Variants in NRXN3 observed in about 807,000 individuals in gnomAD.
The protein encoded by NRXN3 is neurexin III.
In NRXN3, 32 loss-of-function variants were observed where a neutral mutation model predicts 137.6. The observed-to-expected ratio is 0.23, with a 90% CI of 0.18 to 0.31. NRXN3 has a LOEUF of 0.31. Among genes scored for constraint, NRXN3 ranks in the 10% least tolerant of loss-of-function variants. The pLI is 1.00. For synonymous variants in NRXN3, 798 were observed against 784.5 expected (o/e 1.02, Z -0.29); for missense variants, 1,574 against 2,062.5 (o/e 0.76, Z 4.59).
chr14:78,319,283 C>T (rs748031659), intron 4 of NRXN3, among the ~76,000 whole-genome samples: 14 of 152,150 alleles, frequency 9.2e-5, no homozygotes, highest in Non-Finnish European at 1.5e-4. Context: ...AGAAGTGGGG[C>T]GTCAGTCTGC....
chr14:79,699,221 T>C (rs1029656612), intron 19 of NRXN3, among the ~76,000 whole-genome samples: 17 of 152,022 alleles, frequency 1.1e-4, no homozygotes, highest in African/African-American at 3.6e-4. Context: ...CTACTGATAT[T>C]AAACCAATAA....
intron 15 of NRXN3, among the ~76,000 whole-genome samples, chr14:79,452,008 G>T (rs1294388633): frequency 6.6e-6 from 1 of 152,134 alleles, no homozygotes; most frequent in Non-Finnish European, 1.5e-5. Flanking sequence ...CACAACCTAT[G>T]TGGCCCAATG....
At chr14:79,458,497 G>A (rs187068027) in intron 15 of NRXN3, among the ~76,000 whole-genome samples, 2 of 152,234 alleles carry the variant, frequency 1.3e-5, no homozygotes, top group East Asian at 1.9e-4. Flanking sequence ...AGATATGTAA[G>A]CATAGGTAAG....
At chr14:79,576,173 T>C in intron 16 of NRXN3, among the ~76,000 whole-genome samples, 1 of 152,300 alleles carries the variant, frequency 6.6e-6, no homozygotes, top group Admixed American at 6.5e-5. Context: ...TTAAAAATGC[T>C]TTTTCCCAGA....
intron 6 of NRXN3, among the ~76,000 whole-genome samples, chr14:78,656,106 T>C (rs79256196): frequency 0.019 from 2,951 of 152,192 alleles, 109 homozygotes; most frequent in East Asian, 0.18. Context: ...ATTCAGTGCA[T>C]AGCAAACAAT....
intron 19 of NRXN3, among the ~76,000 whole-genome samples, chr14:79,784,674 C>G (rs545986400): frequency 7.2e-6 from 1 of 138,564 alleles, no homozygotes; most frequent in Non-Finnish European, 1.5e-5. Flanking sequence ...CAGCATGGTC[C>G]AAATGGTGTT....
At chr14:79,080,089 G>A (rs184740826) in intron 15 of NRXN3, among the ~76,000 whole-genome samples, 1 of 152,158 alleles carries the variant, frequency 6.6e-6, no homozygotes, top group Non-Finnish European at 1.5e-5. Flanking sequence ...TGAAGGAACA[G>A]TGGAACCTCT....
At chr14:79,540,238 C>T (rs1169140430) in intron 16 of NRXN3, among the ~76,000 whole-genome samples, 4 of 86,850 alleles carry the variant, frequency 4.6e-5, no homozygotes, top group African/African-American at 2.6e-4. Flanking sequence ...ATTTATTCAG[C>T]TTGCATTTAT....
At chr14:79,298,099 G>A (rs1454492095) in intron 15 of NRXN3, among the ~76,000 whole-genome samples, 2 of 151,738 alleles carry the variant, frequency 1.3e-5, no homozygotes. Context: ...TCATTTCTCA[G>A]TCCTGAATCC....
chr14:79,762,271 T>C (rs1231595817), intron 19 of NRXN3, among the ~76,000 whole-genome samples: 1 of 151,744 alleles, frequency 6.6e-6, no homozygotes, highest in Non-Finnish European at 1.5e-5. Flanking sequence ...GTGCATTAAC[T>C]CTTTCCAATA....
At chr14:78,245,821 A>C (rs201017016) in intron 2 of NRXN3, among the ~76,000 whole-genome samples, 2 of 152,072 alleles carry the variant, frequency 1.3e-5, no homozygotes, top group African/African-American at 4.8e-5. Context: ...TGCCAGGCAT[A>C]TATATCGTCC....
rs534322670 is a variant in NRXN3, at chr14:78,569,161, G to A, written c.758-75959G>A. On this transcript the variant is annotated intron_variant, in intron 4 of 20. Transcript: ENST00000335750. Reference sequence around the variant, plus strand: ...TTTTTGTATTTTTAGTAGAGATGGGGTTTCACCGTGTTAGCCAGGATGGTC... The same window carrying A: ...TTTTTGTATTTTTAGTAGAGATGGGATTTCACCGTGTTAGCCAGGATGGTC... 1.8e-4 allele frequency among the ~76,000 whole-genome samples: 28 copies of A among 151,760 alleles called. No homozygotes were observed. In the South Asian group the frequency reaches 5.4e-3, roughly 29 times the overall value.
intron 19 of NRXN3, among the ~76,000 whole-genome samples, chr14:79,764,614 C>G (rs2099050041): frequency 6.6e-6 from 1 of 152,046 alleles, no homozygotes; most frequent in Non-Finnish European, 1.5e-5. Flanking sequence ...CTTCTAGACT[C>G]TATTCCTTCA....
intron 20 of NRXN3, among the ~76,000 whole-genome samples, chr14:79,857,576 C>A (rs2099405516): frequency 8.4e-6 from 1 of 118,798 alleles, no homozygotes; most frequent in Admixed American, 8.9e-5. Context: ...ATCACTTTCT[C>A]CTCTCAAATG....
intron 4 of NRXN3, among the ~76,000 whole-genome samples, chr14:78,418,087 T>C (rs1248154097): frequency 6.6e-6 from 1 of 152,144 alleles, no homozygotes; most frequent in Non-Finnish European, 1.5e-5. Flanking sequence ...GGAATTAGTG[T>C]GCATGTTCTC....
chr14:78,684,621 T>C (rs2098109388), intron 6 of NRXN3, among the ~76,000 whole-genome samples: 1 of 151,630 alleles, frequency 6.6e-6, no homozygotes, highest in South Asian at 2.1e-4. Flanking sequence ...CTGGGCAACA[T>C]AGTGAGTCCC....
chr14:78,964,555 G>A (rs2099413889), intron 11 of NRXN3, among the ~76,000 whole-genome samples: 1 of 152,206 alleles, frequency 6.6e-6, no homozygotes, highest in African/African-American at 2.4e-5. Flanking sequence ...CAGGAAAGTT[G>A]TTAAAGAGGA....
At chr14:79,805,266 T>C (rs2099199720) in intron 20 of NRXN3, 76 bp downstream of exon 20, 2 of 1,017,980 alleles carry the variant, frequency 2.0e-6, no homozygotes, top group African/African-American at 1.6e-5. Flanking sequence ...TATGTGATTA[T>C]ACATGTGTTT....
At chr14:78,471,561 G>T (rs1290477067) in intron 4 of NRXN3, among the ~76,000 whole-genome samples, 2 of 152,108 alleles carry the variant, frequency 1.3e-5, no homozygotes, top group East Asian at 1.9e-4. Flanking sequence ...TTGCTTTAGG[G>T]CATGGTTGGT....
Sources: allele counts gnomAD v4.1 joint callset (sites outside exome capture counted in the v4.1 genomes callset), GRCh38; gene constraint gnomAD v4.1.1; transcripts MANE v1.5; gene names NCBI Gene and HGNC (gene_info 2026-07-23, HGNC 2026-07-21).